LRBA: variants seen among roughly 807,000 people sequenced by gnomAD.
LRBA encodes lipopolysaccharide-responsive and beige-like anchor protein.
LRBA carries 176 observed loss-of-function variants against 330.0 expected under a neutral mutation model. That is an observed-to-expected ratio of 0.53 (90% CI 0.47 to 0.60). The LOEUF (loss-of-function observed/expected upper bound fraction) is 0.60, where lower values mean the gene tolerates loss of function less well. Ranked by LOEUF, LRBA falls within the 20% of genes least tolerant of loss-of-function variation. The pLI is 0.00. For synonymous variants in LRBA, 1,230 were observed against 1,193.0 expected (o/e 1.03, Z -0.64); for missense variants, 3,259 against 3,444.8 (o/e 0.95, Z 1.35).
intron 2 of LRBA, among the ~76,000 whole-genome samples, chr4:150,953,803 G>A (rs1296647613): frequency 6.6e-6 from 1 of 151,626 alleles, no homozygotes; most frequent in Non-Finnish European, 1.5e-5. Context: ...GAAGTGAGAA[G>A]CGTCTCTGCC....
chr4:150,996,553 C>A (rs545337895), intron 2 of LRBA, among the ~76,000 whole-genome samples: 2 of 152,182 alleles, frequency 1.3e-5, no homozygotes, highest in Non-Finnish European at 2.9e-5. Flanking sequence ...ATATAAACTA[C>A]CATGCACCAT....
At chr4:150,913,580 C>T (rs1223991028) in intron 9 of LRBA, among the ~76,000 whole-genome samples, 1 of 152,204 alleles carries the variant, frequency 6.6e-6, no homozygotes, top group East Asian at 1.9e-4. Context: ...CTTCTGTTTA[C>T]TTATTGATCT....
chr4:150,511,467 T>A (rs1761826358), intron 40 of LRBA, among the ~76,000 whole-genome samples: 1 of 152,186 alleles, frequency 6.6e-6, no homozygotes, highest in Admixed American at 6.5e-5. Flanking sequence ...TCATACAACA[T>A]AACACTCCTT....
intron 42 of LRBA, among the ~76,000 whole-genome samples, chr4:150,477,042 C>T (rs1756793394): frequency 6.6e-6 from 1 of 152,120 alleles, no homozygotes. Context: ...ACAACTAAAC[C>T]AAAAGGAGTA....
At chr4:150,295,825 T>A (rs1328641985) in intron 53 of LRBA, among the ~76,000 whole-genome samples, 1 of 152,222 alleles carries the variant, frequency 6.6e-6, no homozygotes, top group African/African-American at 2.4e-5. Flanking sequence ...CAGGACTTCA[T>A]TACATGGACA....
At chr4:150,424,587 G>T (rs181932027) in intron 46 of LRBA, among the ~76,000 whole-genome samples, 25 of 152,324 alleles carry the variant, frequency 1.6e-4, no homozygotes, top group African/African-American at 5.3e-4. Context: ...AGGACACCAG[G>T]TGCCATCCCA....
chr4:150,748,753 C>G (rs1055191797), intron 35 of LRBA, among the ~76,000 whole-genome samples: 7 of 151,976 alleles, frequency 4.6e-5, no homozygotes, highest in African/African-American at 1.4e-4. Context: ...TTGTAGAAAC[C>G]TAATCTCCAA....
rs561378512 is a variant in LRBA at position 150,872,389 on chromosome 4, C to T, written c.2258+274G>A. ...AAAAATGGTGTGAGTCACCTGAAAT[C>T]AAGTCTCCATAGCTTCTTGAATGCA... On this transcript the variant is annotated intron_variant, in intron 18 of 56. Coordinates refer to ENST00000651943, the MANE Select transcript of LRBA (RefSeq NM_001364905.1). 6.6e-5 allele frequency among the ~76,000 whole-genome samples: 10 copies of T among 152,234 alleles called. No individual in the cohort carries two copies. The East Asian group carries it at 1.9e-3, about 29-fold the overall frequency.
intron 46 of LRBA, among the ~76,000 whole-genome samples, chr4:150,427,710 G>A (rs571758210): frequency 1.3e-5 from 2 of 151,918 alleles, no homozygotes; most frequent in South Asian, 2.1e-4. Flanking sequence ...TTATTAAAAT[G>A]GTGTCTGAGA....
At chr4:150,740,875 AT>A (rs1199290361) in intron 35 of LRBA, among the ~76,000 whole-genome samples, 2 of 152,040 alleles carry the variant, frequency 1.3e-5, no homozygotes, top group Non-Finnish European at 2.9e-5. Flanking sequence ...GGGAAGAGAG[AT>A]GATAATAATG....
At chr4:150,479,841 T>C (rs1024343198) in intron 42 of LRBA, among the ~76,000 whole-genome samples, 1 of 152,224 alleles carries the variant, frequency 6.6e-6, no homozygotes, top group Non-Finnish European at 1.5e-5. Context: ...GGTAAGGAAC[T>C]GAGGCCTACT....
intron 40 of LRBA, among the ~76,000 whole-genome samples, chr4:150,576,671 T>C (rs1411680385): frequency 1.3e-5 from 2 of 151,912 alleles, no homozygotes; most frequent in Admixed American, 6.6e-5. Context: ...TTCCACTATA[T>C]AATACAAGAA....
At chr4:150,723,912 G>C (rs1371311832) in intron 36 of LRBA, among the ~76,000 whole-genome samples, 1 of 152,196 alleles carries the variant, frequency 6.6e-6, no homozygotes, top group Admixed American at 6.5e-5. Flanking sequence ...AAACATCAGT[G>C]GTGGCCTGAA....
At chr4:150,841,084 T>G in intron 28 of LRBA, 1 of 714,658 alleles carries the variant, frequency 1.4e-6, no homozygotes, top group African/African-American at 1.9e-5. Flanking sequence ...ACATTTGTCT[T>G]TTTTATAAAC....
rs774309721 is a variant in LRBA at position 150,583,849 on chromosome 4, A to G, written c.6330+4199T>C. On this transcript the variant is annotated intron_variant, in intron 40 of 56. Coordinates refer to ENST00000651943, the MANE Select transcript of LRBA (RefSeq NM_001364905.1). The surrounding 1 kb of genome is among the most constrained non-coding windows in gnomAD (Gnocchi z 9.8). ...CGGCCAGCCGCTCAACAACTACCAC[A>G]TGAAGACGCTGCTGCTGTACGAGTG... is the stretch of plus-strand genomic sequence containing the variant. 1.2e-6 allele frequency: 2 copies of G among 1,614,170 alleles called. No individual in the cohort carries two copies. The highest frequency in any genetic ancestry group is 3.3e-5 in the Admixed American group (2 of 60,022).
Position 150,728,718 on chromosome 4 carries a change from T to C in LRBA, c.5754+6540A>G, listed in dbSNP as rs191426809. 4.3e-3 allele frequency among the ~76,000 whole-genome samples: 645 copies of C among 150,304 alleles called. 4 individuals carry two copies. Among genetic ancestry groups the C allele is most frequent in the African/African-American group, 0.015 (624 of 40,920 alleles). On this transcript the variant is annotated intron_variant, in intron 36 of 56. Coordinates refer to ENST00000651943, the MANE Select transcript of LRBA (RefSeq NM_001364905.1). ...GAATATGCCTTAACATAATAAGCCA[T>C]ATATGACAGACCCACAACCAGTATC...
intron 34 of LRBA, among the ~76,000 whole-genome samples, chr4:150,767,195 T>C (rs1735874413): frequency 6.6e-6 from 1 of 152,162 alleles, no homozygotes; most frequent in African/African-American, 2.4e-5. Context: ...GCATTCAAAT[T>C]ATTGTAATAA....
At chr4:150,950,236 A>G (rs1373005132) in intron 2 of LRBA, among the ~76,000 whole-genome samples, 2 of 152,172 alleles carry the variant, frequency 1.3e-5, no homozygotes, top group Non-Finnish European at 2.9e-5. Flanking sequence ...ATCTCTCACT[A>G]TGTGACAACC....
intron 51 of LRBA, among the ~76,000 whole-genome samples, chr4:150,312,712 A>T (rs1005379772): frequency 1.3e-5 from 2 of 152,176 alleles, no homozygotes; most frequent in African/African-American, 4.8e-5. Context: ...AGTTTTAATG[A>T]TAGACTGTTA....
Sources: allele counts gnomAD v4.1 joint callset (sites outside exome capture counted in the v4.1 genomes callset), GRCh38; gene constraint gnomAD v4.1.1; non-coding constraint Gnocchi (gnomAD v3.1); transcripts MANE v1.5; gene names NCBI Gene and HGNC (gene_info 2026-07-23, HGNC 2026-07-21).